The following LARP1B variants were observed in gnomAD, a reference collection of about 807,000 sequenced individuals.
LARP1B encodes the protein La ribonucleoprotein 1B.
Under a neutral mutation model 114.2 loss-of-function variants are expected in LARP1B, and 76 were observed. The ratio of observed to expected loss-of-function variants is 0.67; its 90% CI spans 0.55 to 0.81. The LOEUF (loss-of-function observed/expected upper bound fraction) is 0.81. Among genes scored for constraint, LARP1B ranks in the 30% least tolerant of loss-of-function variants. The pLI, the probability that LARP1B is intolerant of heterozygous loss-of-function variation, is 0.00. For missense variants in LARP1B, 1,014 were observed against 1,075.8 expected (o/e 0.94, Z 0.80); for synonymous variants, 345 against 348.0 (o/e 0.99, Z 0.10).
At chr4:128,166,713 T>C (rs572098719) in intron 12 of LARP1B, among the ~76,000 whole-genome samples, 5 of 151,696 alleles carry the variant, frequency 3.3e-5, no homozygotes, top group African/African-American at 1.2e-4. Context: ...TTTTTTTACC[T>C]ACATCTCCCC....
intron 11 of LARP1B, among the ~76,000 whole-genome samples, chr4:128,133,081 C>T (rs1009264706): frequency 4.6e-5 from 7 of 152,096 alleles, no homozygotes; most frequent in African/African-American, 9.7e-5. Context: ...GTAATGAGAG[C>T]GATAGGGAGC....
rs569236795 is a variant in LARP1B at position 128,119,105 on chromosome 4, G to A, written c.1162-2721G>A. On this transcript the variant is annotated intron_variant, in intron 10 of 19. Coordinates refer to ENST00000326639, the MANE Select transcript of LARP1B (RefSeq NM_018078.4). ...TCACCATGTTGGCCAGGCTGGTCTC[G>A]AACTCCTGACCTCAGGTGATCCACC... Among the ~76,000 whole-genome samples the A allele has an allele frequency of 3.3e-5, 5 of 151,908 alleles. No individual in the cohort carries two copies. The South Asian group carries it at 1.0e-3, about 32-fold the overall frequency.
chr4:128,201,149 G>A (rs1264756838), intron 17 of LARP1B, among the ~76,000 whole-genome samples: 2 of 152,146 alleles, frequency 1.3e-5, no homozygotes, highest in Non-Finnish European at 2.9e-5. Flanking sequence ...AATGAGTAGA[G>A]CTTCCAAAAT....
downstream of LARP1B, among the ~76,000 whole-genome samples, chr4:128,213,165 T>G (rs1044728787): frequency 3.3e-5 from 5 of 152,172 alleles, no homozygotes; most frequent in Admixed American, 6.5e-5. Flanking sequence ...TGATCCACCT[T>G]GGCCTCCCAA....
At chr4:128,118,881 CT>C (rs34136459) in intron 10 of LARP1B, among the ~76,000 whole-genome samples, 86,818 of 139,264 alleles carry the variant, frequency 0.62, 26,789 homozygotes, top group Middle Eastern at 0.8. Flanking sequence ...ATTCCACAGT[CT>C]TTTTTTTTTT....
At chr4:128,162,035 A>G (rs1390619164) in intron 11 of LARP1B, among the ~76,000 whole-genome samples, 159 bp from the exon 12 acceptor site, 1 of 152,072 alleles carries the variant, frequency 6.6e-6, no homozygotes, top group African/African-American at 2.4e-5. Context: ...GAATGTTGTT[A>G]TTAAGTATAA....
At chr4:128,187,739 A>G (rs1446008529) in intron 15 of LARP1B, among the ~76,000 whole-genome samples, 2 of 152,202 alleles carry the variant, frequency 1.3e-5, no homozygotes, top group African/African-American at 4.8e-5. Flanking sequence ...GTCCCCACCC[A>G]AATCTCATGT....
chr4:128,061,179 G>A (rs1759969967), upstream of LARP1B: 1 of 152,102 alleles, frequency 6.6e-6, no homozygotes, highest in African/African-American at 2.4e-5. Flanking sequence ...CACCCGGGCG[G>A]GCGAATCCGT....
chr4:128,067,955 A>C (rs1304665976), intron 1 of LARP1B, among the ~76,000 whole-genome samples: 1 of 151,910 alleles, frequency 6.6e-6, no homozygotes, highest in Non-Finnish European at 1.5e-5. Flanking sequence ...ATCTCGGCTC[A>C]CTGCAAGCTC....
intron 15 of LARP1B, among the ~76,000 whole-genome samples, chr4:128,183,536 A>C (rs1749278584): frequency 6.6e-6 from 1 of 152,250 alleles, no homozygotes; most frequent in East Asian, 1.9e-4. Context: ...CTGCTCATTG[A>C]CAGTGTACGT....
intron 15 of LARP1B, among the ~76,000 whole-genome samples, chr4:128,186,987 A>G (rs532349186): frequency 1.6e-4 from 24 of 152,334 alleles, no homozygotes; most frequent in Admixed American, 1.6e-3. Context: ...ACAGAATGCA[A>G]GAGTTGAGGC....
At chr4:128,200,881 C>T (rs1417919833) in intron 17 of LARP1B, among the ~76,000 whole-genome samples, 1 of 152,150 alleles carries the variant, frequency 6.6e-6, no homozygotes, top group Non-Finnish European at 1.5e-5. Flanking sequence ...CCCAAAACTC[C>T]ATAGGTTAAA....
chr4:128,220,363 TC>T (rs1331944932), exon 7 of LARP1B: 1 of 963,082 alleles, frequency 1.0e-6, no homozygotes, highest in African/African-American at 1.8e-5. Context: ...AGGAGGCTGA[TC>T]CGATAGAGTA....
Position 128,123,378 on chromosome 4 carries a change from C to T in LARP1B, c.1524+1190C>T, listed in dbSNP as rs969596071. 1.2e-4 allele frequency: 113 copies of T among 974,366 alleles called. No individual in the cohort carries two copies. The African/African-American group carries it at 1.5e-3, about 13-fold the overall frequency. The allele number at this position is 974,366 out of a possible 1,614,324, so 60.4% of individuals were successfully genotyped here. On this transcript the variant is annotated intron_variant, in intron 11 of 19. Transcript: ENST00000326639. Reference sequence around the variant, plus strand: ...CTATTTTATTTGTAATACTTAGGTTCGGTAAGTAATACCTATCTTAAATCC... The same window carrying T: ...CTATTTTATTTGTAATACTTAGGTTTGGTAAGTAATACCTATCTTAAATCC...
intron 5 of LARP1B, among the ~76,000 whole-genome samples, chr4:128,083,018 C>CTCG (rs1167126139): frequency 1.3e-5 from 2 of 151,824 alleles, no homozygotes; most frequent in Non-Finnish European, 2.9e-5. Context: ...GGTGATGATT[C>CTCG]TTAACGAGCA....
intron 8 of LARP1B, among the ~76,000 whole-genome samples, chr4:128,105,784 C>G (rs1295655410): frequency 1.3e-5 from 2 of 151,974 alleles, no homozygotes; most frequent in Admixed American, 6.6e-5. Flanking sequence ...CCCAGCTACT[C>G]CGAAGGCTGA....
chr4:128,087,626 A>G (rs1477698142), intron 5 of LARP1B, among the ~76,000 whole-genome samples: 1 of 152,230 alleles, frequency 6.6e-6, no homozygotes, highest in Non-Finnish European at 1.5e-5. Flanking sequence ...AAGAAAATGC[A>G]TCATCTAAGA....
chr4:128,062,580 A>G (rs953879666), intron 1 of LARP1B, among the ~76,000 whole-genome samples: 2 of 132,676 alleles, frequency 1.5e-5, no homozygotes, highest in African/African-American at 5.6e-5. Flanking sequence ...CGTATGGGAA[A>G]GTTTTGGTAG....
chr4:128,176,614 A>G (rs74287078), intron 12 of LARP1B, among the ~76,000 whole-genome samples: 2,666 of 152,186 alleles, frequency 0.018, 64 homozygotes, highest in East Asian at 0.11. Context: ...TATTTTTGGC[A>G]TAAGGAAAAC....
Sources: allele counts gnomAD v4.1 joint callset (sites outside exome capture counted in the v4.1 genomes callset), GRCh38; gene constraint gnomAD v4.1.1; transcripts MANE v1.5; gene names NCBI Gene and HGNC (gene_info 2026-07-23, HGNC 2026-07-21).